Variants in MTUS2 observed in about 807,000 individuals in gnomAD.
MTUS2 encodes the protein microtubule associated scaffold protein 2.
In MTUS2, 40 loss-of-function variants were observed where a neutral mutation model predicts 114.1. The ratio of observed to expected loss-of-function variants is 0.35; its 90% CI spans 0.27 to 0.46. The LOEUF is 0.46. Ranked by LOEUF, MTUS2 falls within the 20% of genes least tolerant of loss-of-function variation. The probability of loss-of-function intolerance (pLI) is 1.00; values close to 1 mark genes in which losing one functional copy is unlikely to be tolerated. For missense variants in MTUS2, 1,679 were observed against 1,705.4 expected, an observed-to-expected ratio of 0.98 and a Z score of 0.27; for synonymous variants, 688 against 672.0, an observed-to-expected ratio of 1.02 and a Z score of -0.37.
intron 2 of MTUS2, among the ~76,000 whole-genome samples, chr13:28,897,158 C>T (rs1355189291): frequency 6.6e-6 from 1 of 152,088 alleles, no homozygotes; most frequent in Non-Finnish European, 1.5e-5. Flanking sequence ...ACTCATCTGA[C>T]AAAGGGCTAA....
chr13:29,139,982 T>C (rs1166505478), intron 5 of MTUS2, among the ~76,000 whole-genome samples: 1 of 152,214 alleles, frequency 6.6e-6, no homozygotes, highest in African/African-American at 2.4e-5. Context: ...TGCAAACCTT[T>C]AATCGAAACA....
intron 4 of MTUS2, among the ~76,000 whole-genome samples, chr13:29,096,814 C>T (rs1056975114): frequency 6.6e-6 from 1 of 152,174 alleles, no homozygotes; most frequent in African/African-American, 2.4e-5. Flanking sequence ...GAGGTAGGGA[C>T]AGTAGCTTCT....
At chr13:29,442,663 C>A (rs141277115) in intron 9 of MTUS2, among the ~76,000 whole-genome samples, 2,386 of 152,318 alleles carry the variant, frequency 0.016, 59 homozygotes, top group African/African-American at 0.054. Flanking sequence ...GTGTTTCCCT[C>A]GGAAGTATTG....
chr13:29,188,847 C>T (rs35117092), intron 5 of MTUS2, among the ~76,000 whole-genome samples: 22,075 of 152,214 alleles, frequency 0.15, 1,824 homozygotes, highest in East Asian at 0.31. Flanking sequence ...CCCCTGCACG[C>T]AAACCTGCCA....
chr13:28,820,002 A>G (rs1268610957), upstream of MTUS2, among the ~76,000 whole-genome samples: 1 of 146,690 alleles, frequency 6.8e-6, no homozygotes, highest in Admixed American at 6.8e-5. Flanking sequence ...TGCGCGCATC[A>G]GCTGCCCCGC....
chr13:29,469,817 T>A (rs1186336158), intron 9 of MTUS2, among the ~76,000 whole-genome samples: 1 of 150,728 alleles, frequency 6.6e-6, no homozygotes, highest in Non-Finnish European at 1.5e-5. Flanking sequence ...TAAAAATTAA[T>A]AATAAAAATA....
chr13:29,092,582 G>A (rs1890006174), intron 4 of MTUS2, among the ~76,000 whole-genome samples: 1 of 152,256 alleles, frequency 6.6e-6, no homozygotes. Flanking sequence ...CTGAATGCGG[G>A]TACGAGCTGG....
intron 5 of MTUS2, among the ~76,000 whole-genome samples, chr13:29,164,104 A>G (rs1173282302): frequency 1.3e-5 from 2 of 152,146 alleles, no homozygotes; most frequent in Non-Finnish European, 2.9e-5. Flanking sequence ...GTTGTGCGGT[A>G]TTTCCCCTTT....
chr13:29,472,618 T>G (rs1422245553), intron 9 of MTUS2, among the ~76,000 whole-genome samples: 7 of 152,342 alleles, frequency 4.6e-5, no homozygotes, highest in Admixed American at 4.6e-4. Flanking sequence ...CTACACTGCA[T>G]AAAGATGCTC....
At chr13:29,337,654 T>C (rs1327770220) in intron 7 of MTUS2, among the ~76,000 whole-genome samples, 1 of 151,126 alleles carries the variant, frequency 6.6e-6, no homozygotes, top group African/African-American at 2.4e-5. Context: ...CAGACTGGAG[T>C]GCAGTGGCAC....
At chr13:28,862,975 A>G (rs972369743) in intron 2 of MTUS2, among the ~76,000 whole-genome samples, 2 of 152,148 alleles carry the variant, frequency 1.3e-5, no homozygotes, top group African/African-American at 4.8e-5. Flanking sequence ...ATTTTCAGAC[A>G]TTATATACTT....
chr13:29,365,472 A>G (rs1043981338), intron 8 of MTUS2, among the ~76,000 whole-genome samples: 3 of 115,070 alleles, frequency 2.6e-5, no homozygotes, highest in African/African-American at 6.2e-5. Context: ...AGCTCATCTC[A>G]CTTATGCTTT....
At position 29,505,174 on chromosome 13, in the gene MTUS2, T is replaced by G; in HGVS notation, c.*1968T>G. On this transcript the variant is annotated 3_prime_UTR_variant, in exon 16 of 16. Coordinates refer to ENST00000612955, the MANE Select transcript of MTUS2 (RefSeq NM_001033602.4). ...ATTGACTAAATACACAAGTATTTATTCTAGTAGCAGGCACAACCTGCAAAC... is the reference window on the plus strand; with the variant it reads ...ATTGACTAAATACACAAGTATTTATGCTAGTAGCAGGCACAACCTGCAAAC... 1 of 232,204 alleles carries G rather than the reference T, an allele frequency of 4.3e-6. No homozygotes were observed. The highest frequency in any genetic ancestry group is 8.5e-6 in the Non-Finnish European group (1 of 117,114). The allele number at this position is 232,204 out of a possible 1,614,324, so 14.4% of individuals were successfully genotyped here. A position where few individuals can be genotyped will look rare whatever the true frequency, so the allele number is the denominator to read the frequency against.
At chr13:29,165,419 A>G (rs1405945906) in intron 5 of MTUS2, among the ~76,000 whole-genome samples, 3 of 152,208 alleles carry the variant, frequency 2.0e-5, no homozygotes. Flanking sequence ...ATTTAAGATC[A>G]TTCTACAGTA....
chr13:28,840,372 C>T (rs923293840), intron 2 of MTUS2, among the ~76,000 whole-genome samples: 4 of 152,282 alleles, frequency 2.6e-5, no homozygotes, highest in East Asian at 1.9e-4. Flanking sequence ...AAGCTTAAAA[C>T]ATTTGAGGGA....
intron 8 of MTUS2, among the ~76,000 whole-genome samples, chr13:29,402,808 C>T (rs1286673742): frequency 3.3e-5 from 5 of 152,152 alleles, no homozygotes; most frequent in Non-Finnish European, 5.9e-5. Context: ...ACGATCTCAC[C>T]TCACTGCAAC....
At chr13:29,166,313 C>A (rs4603401) in intron 5 of MTUS2, among the ~76,000 whole-genome samples, 24,781 of 152,208 alleles carry the variant, frequency 0.16, 2,101 homozygotes, top group Middle Eastern at 0.24. Flanking sequence ...ACATGGAGAA[C>A]TGACAGAAGG....
At chr13:28,931,807 C>G (rs542483852) in intron 2 of MTUS2, among the ~76,000 whole-genome samples, 1 of 152,106 alleles carries the variant, frequency 6.6e-6, no homozygotes, top group African/African-American at 2.4e-5. Flanking sequence ...TTAGGTATAT[C>G]TCCTAATGCT....
At chr13:29,344,175 G>T (rs9579349) in intron 7 of MTUS2, among the ~76,000 whole-genome samples, 28,166 of 151,850 alleles carry the variant, frequency 0.19, 2,799 homozygotes, top group Non-Finnish European at 0.23. Context: ...TTTTTTCTAG[G>T]GTATAGTGTA....
Sources: gnomAD v4.1 joint callset for allele counts (sites outside exome capture counted in the v4.1 genomes callset) on GRCh38, gnomAD v4.1.1 for gene constraint, MANE v1.5 for transcripts, NCBI Gene and HGNC (gene_info 2026-07-23, HGNC 2026-07-21) for gene names.